AGMO: variants seen among roughly 807,000 people sequenced by gnomAD.
AGMO encodes glyceryl-ether monooxygenase.
Under a neutral mutation model 60.2 loss-of-function variants are expected in AGMO, and 75 were observed. The observed-to-expected ratio is 1.25, with a 90% confidence interval of 1.03 to 1.51. The LOEUF (loss-of-function observed/expected upper bound fraction) is 1.51. AGMO is among the 40% of genes most tolerant of loss of function. AGMO has a pLI of 0.00. For synonymous variants in AGMO, 261 were observed against 177.1 expected (o/e 1.47, Z -3.76); for missense variants, 763 against 525.5 (o/e 1.45, Z -4.42).
At chr7:15,555,292 T>TACACACACACAC (rs58173194) in intron 2 of AGMO, among the ~76,000 whole-genome samples, 1 of 95,878 alleles carries the variant, frequency 1.0e-5, no homozygotes, top group Non-Finnish European at 2.0e-5. Flanking sequence ...TATATATATA[T>TACACACACACAC]ACACACACAC....
chr7:15,354,325 CGT>C (rs367824336), intron 12 of AGMO, among the ~76,000 whole-genome samples: 1,368 of 22,644 alleles, frequency 0.06, 222 homozygotes, highest in African/African-American at 0.27. Context: ...CGTGTATATA[CGT>C]ACGCGTGTAT....
chr7:15,130,148 A>G, the AGMO span, among the ~76,000 whole-genome samples: 2 of 152,104 alleles, frequency 1.3e-5, no homozygotes, highest in African/African-American at 2.4e-5. Flanking sequence ...TTAGCATAAA[A>G]TATATTTAAA....
chr7:15,442,684 G>A (rs1322857681), intron 3 of AGMO, among the ~76,000 whole-genome samples: 2 of 151,974 alleles, frequency 1.3e-5, no homozygotes, highest in Non-Finnish European at 1.5e-5. Context: ...CTCCACCCCC[G>A]GGGCCTCTAC....
intron 3 of AGMO, among the ~76,000 whole-genome samples, chr7:15,441,645 G>A (rs1225645695): frequency 2.0e-5 from 3 of 152,232 alleles, no homozygotes; most frequent in South Asian, 2.1e-4. Flanking sequence ...GCACTCCTAC[G>A]ACGCTCCTCC....
chr7:15,384,646 T>TTA (rs1351838337), intron 10 of AGMO, among the ~76,000 whole-genome samples: 1 of 152,058 alleles, frequency 6.6e-6, no homozygotes, highest in Non-Finnish European at 1.5e-5. Context: ...GGTGCTTACT[T>TTA]TATTGGTAAC....
intron 12 of AGMO, among the ~76,000 whole-genome samples, chr7:15,236,528 G>GATCCCTGCTTCGAC (rs1422313218): frequency 1.3e-5 from 2 of 152,076 alleles, no homozygotes; most frequent in Non-Finnish European, 2.9e-5. Context: ...GCTGTTTCAA[G>GATCCCTGCTTCGAC]ATCCCTGCTT....
intron 12 of AGMO, among the ~76,000 whole-genome samples, chr7:15,265,146 G>A (rs1394803312): frequency 6.6e-6 from 1 of 152,118 alleles, no homozygotes; most frequent in Non-Finnish European, 1.5e-5. Flanking sequence ...GATGGATGCA[G>A]TTGGAGGCCA....
rs552752326 is a variant in AGMO at position 15,318,363 on chromosome 7, A to C, written c.1263+47151T>G. On this transcript the variant is annotated intron_variant, in intron 12 of 12. Coordinates refer to ENST00000342526, the MANE Select transcript of AGMO (RefSeq NM_001004320.2). ...TTCTTTATATGAGTTCTATTCTGAT[A>C]AAAGGTCATCAATTTCAGATTTCTG... 2.0e-5 allele frequency among the ~76,000 whole-genome samples: 3 copies of C among 152,214 alleles called. No homozygotes were observed. The South Asian group carries it at 6.2e-4, about 32-fold the overall frequency.
At chr7:15,230,519 G>A (rs1325229854) in intron 12 of AGMO, among the ~76,000 whole-genome samples, 1 of 152,170 alleles carries the variant, frequency 6.6e-6, no homozygotes, top group Non-Finnish European at 1.5e-5. Context: ...TGCACAGAGA[G>A]TGTATCACAG....
chr7:15,220,741 G>A (rs1005202172), intron 12 of AGMO, among the ~76,000 whole-genome samples: 3 of 151,790 alleles, frequency 2.0e-5, no homozygotes, highest in African/African-American at 7.3e-5. Context: ...GTAAAACCAA[G>A]CCCAGAACTG....
At chr7:15,348,202 A>T (rs1303641246) in intron 12 of AGMO, among the ~76,000 whole-genome samples, 1 of 152,056 alleles carries the variant, frequency 6.6e-6, no homozygotes, top group African/African-American at 2.4e-5. Context: ...AAAGGTCCAT[A>T]TCCTAATGAG....
chr7:15,180,429 T>C, the AGMO span, among the ~76,000 whole-genome samples: 1 of 152,172 alleles, frequency 6.6e-6, no homozygotes, highest in Non-Finnish European at 1.5e-5. Flanking sequence ...CCAAGGTCTT[T>C]CCTATTTTGT....
the AGMO span, among the ~76,000 whole-genome samples, chr7:15,126,005 A>C: frequency 6.6e-6 from 1 of 152,146 alleles, no homozygotes; most frequent in South Asian, 2.1e-4. Flanking sequence ...AATGCTATTC[A>C]AATGCTAGGA....
intron 3 of AGMO, among the ~76,000 whole-genome samples, chr7:15,476,893 T>G (rs969981843): frequency 6.6e-6 from 1 of 152,130 alleles, no homozygotes; most frequent in Non-Finnish European, 1.5e-5. Context: ...GATGGTTAAA[T>G]GATATAAATG....
intron 2 of AGMO, among the ~76,000 whole-genome samples, chr7:15,545,299 G>A (rs962734873): frequency 6.6e-6 from 1 of 152,016 alleles, no homozygotes; most frequent in East Asian, 1.9e-4. Context: ...TACATATTAA[G>A]AATTCTTTAT....
chr7:15,350,338 A>C (rs1583439894), intron 12 of AGMO, among the ~76,000 whole-genome samples: 1 of 152,314 alleles, frequency 6.6e-6, no homozygotes, highest in African/African-American at 2.4e-5. Flanking sequence ...CAGTTAACAT[A>C]AAAGCATAAA....
chr7:15,172,100 T>TA, the AGMO span, among the ~76,000 whole-genome samples: 1 of 152,162 alleles, frequency 6.6e-6, no homozygotes, highest in Non-Finnish European at 1.5e-5. Context: ...CAGCAAGACT[T>TA]AGAGCAGAAG....
At chr7:15,366,092 T>C (rs1782965398) in intron 11 of AGMO, 48 bp downstream of exon 11, 1 of 1,422,268 alleles carries the variant, frequency 7.0e-7, no homozygotes, top group East Asian at 2.5e-5. Flanking sequence ...TGTGGAAAAT[T>C]CTTGAATTGA....
chr7:15,449,004 G>A (rs534605131), intron 3 of AGMO, among the ~76,000 whole-genome samples: 338 of 152,174 alleles, frequency 2.2e-3, no homozygotes, highest in African/African-American at 7.9e-3. Flanking sequence ...GACCTATTTG[G>A]CACCAGAGCT....
Sources: allele counts gnomAD v4.1 joint callset (sites outside exome capture counted in the v4.1 genomes callset), GRCh38; gene constraint gnomAD v4.1.1; transcripts MANE v1.5; gene names NCBI Gene and HGNC (gene_info 2026-07-23, HGNC 2026-07-21).